The following STPG2 variants were observed in gnomAD, a reference collection of about 807,000 sequenced individuals.
The protein encoded by STPG2 is sperm tail PG-rich repeat containing 2.
A neutral mutation model predicts 54.2 loss-of-function variants in STPG2; 56 were observed. The observed-to-expected ratio is 1.03, with a 90% CI of 0.83 to 1.29. The LOEUF (loss-of-function observed/expected upper bound fraction) is 1.29, where lower values mean the gene tolerates loss of function less well. STPG2 is among the 50% of genes most tolerant of loss of function. STPG2 has a pLI of 0.00. For synonymous variants in STPG2, 200 were observed against 181.8 expected, an observed-to-expected ratio of 1.10 and a Z score of -0.81; for missense variants, 596 against 544.9, an observed-to-expected ratio of 1.09 and a Z score of -0.93.
intron 5 of STPG2, among the ~76,000 whole-genome samples, chr4:97,999,234 C>T (rs1735335905): frequency 6.6e-6 from 1 of 152,124 alleles, no homozygotes; most frequent in African/African-American, 2.4e-5. Context: ...AAAACTGTGC[C>T]ACAAAGAAAT....
chr4:97,974,086 T>A (rs1038721881), intron 6 of STPG2, among the ~76,000 whole-genome samples: 1 of 152,202 alleles, frequency 6.6e-6, no homozygotes, highest in Non-Finnish European at 1.5e-5. Flanking sequence ...GGGATGGAGA[T>A]GCCCAAGACT....
chr4:97,524,778 G>C (rs965701425), intron 4 of STPG2, among the ~76,000 whole-genome samples: 9 of 151,872 alleles, frequency 5.9e-5, no homozygotes, highest in African/African-American at 2.2e-4. Flanking sequence ...ACCAATAACT[G>C]GTCTTCTGAG....
chr4:97,636,958 T>C (rs930371381), intron 10 of STPG2, among the ~76,000 whole-genome samples: 69 of 152,096 alleles, frequency 4.5e-4, no homozygotes, highest in Middle Eastern at 3.4e-3. Flanking sequence ...TTCCAATCAA[T>C]AGAAAAAGAG....
At chr4:97,967,929 C>T (rs1734171883) in intron 7 of STPG2, among the ~76,000 whole-genome samples, 2 of 152,134 alleles carry the variant, frequency 1.3e-5, no homozygotes, top group Non-Finnish European at 1.5e-5. Context: ...AATCAACACC[C>T]TAACATCACA....
intron 8 of STPG2, among the ~76,000 whole-genome samples, chr4:97,847,020 T>A (rs1036509892): frequency 1.3e-5 from 2 of 152,206 alleles, no homozygotes; most frequent in Non-Finnish European, 2.9e-5. Flanking sequence ...CTTGTCATTA[T>A]CATTGAAGTG....
intron 4 of STPG2, among the ~76,000 whole-genome samples, chr4:97,487,991 C>T (rs1319956812): frequency 6.6e-6 from 1 of 151,422 alleles, no homozygotes; most frequent in African/African-American, 2.4e-5. Flanking sequence ...CCATAATTAT[C>T]AAAATTGCCA....
chr4:98,045,146 G>T (rs952679784), intron 5 of STPG2, among the ~76,000 whole-genome samples: 1 of 151,604 alleles, frequency 6.6e-6, no homozygotes, highest in Non-Finnish European at 1.5e-5. Flanking sequence ...AAGGAGTCTG[G>T]CATTCCTGAA....
intron 10 of STPG2, among the ~76,000 whole-genome samples, chr4:97,607,419 T>C (rs1270115105): frequency 6.6e-6 from 1 of 152,040 alleles, no homozygotes; most frequent in Non-Finnish European, 1.5e-5. Context: ...TCCATAACTC[T>C]TGGATTCACC....
At chr4:97,908,778 C>A (rs1731554231) in intron 8 of STPG2, among the ~76,000 whole-genome samples, 2 of 149,798 alleles carry the variant, frequency 1.3e-5, no homozygotes, top group South Asian at 2.1e-4. Context: ...AAAAACCAAA[C>A]ACCGCATATT....
chr4:97,815,734 A>G (rs1727887943), intron 9 of STPG2, among the ~76,000 whole-genome samples: 2 of 152,158 alleles, frequency 1.3e-5, no homozygotes, highest in Non-Finnish European at 2.9e-5. Flanking sequence ...GCACTATGTT[A>G]GGCAGAAGTA....
chr4:98,108,623 T>C (rs1739254705), intron 4 of STPG2, among the ~76,000 whole-genome samples: 1 of 152,128 alleles, frequency 6.6e-6, no homozygotes, highest in Non-Finnish European at 1.5e-5. Flanking sequence ...ATCTACTTTA[T>C]AATTAAGGAC....
chr4:98,122,837 G>A (rs959246663), intron 3 of STPG2, among the ~76,000 whole-genome samples: 4 of 151,524 alleles, frequency 2.6e-5, no homozygotes, highest in East Asian at 1.9e-4. Flanking sequence ...GGTAGGCCTC[G>A]ATTTCAGAAC....
chr4:97,756,068 CTCTCTCTT>C (rs1426258431), intron 9 of STPG2, among the ~76,000 whole-genome samples: 1 of 152,044 alleles, frequency 6.6e-6, no homozygotes, highest in Non-Finnish European at 1.5e-5. Context: ...CTTCTTCTCT[CTCTCTCTT>C]TCTCTCTCTC....
intron 5 of STPG2, among the ~76,000 whole-genome samples, chr4:98,099,739 A>T (rs1026829918): frequency 5.3e-5 from 8 of 152,104 alleles, no homozygotes; most frequent in East Asian, 3.8e-4. Flanking sequence ...ACCCCATAAA[A>T]ATATATATAC....
At chr4:97,742,543 G>GTATATA (rs1560510865) in intron 9 of STPG2, among the ~76,000 whole-genome samples, 6 of 142,334 alleles carry the variant, frequency 4.2e-5, no homozygotes, top group Admixed American at 2.2e-4. Context: ...GTGTGTGTGT[G>GTATATA]TGTGTGTGTG....
chr4:98,016,702 T>C (rs1735956875), intron 5 of STPG2, among the ~76,000 whole-genome samples: 1 of 152,224 alleles, frequency 6.6e-6, no homozygotes, highest in South Asian at 2.1e-4. Flanking sequence ...TGTTCTCTTG[T>C]AGCTCACTAA....
At chr4:97,549,493 A>G (rs763683922) in intron 4 of STPG2, among the ~76,000 whole-genome samples, 11 of 152,124 alleles carry the variant, frequency 7.2e-5, no homozygotes, top group Non-Finnish European at 1.2e-4. Flanking sequence ...GATGTCTCTA[A>G]TTAGTATATG....
At chr4:97,619,102 C>A (rs1336764614) in intron 10 of STPG2, among the ~76,000 whole-genome samples, 1 of 152,068 alleles carries the variant, frequency 6.6e-6, no homozygotes, top group Admixed American at 6.6e-5. Context: ...TACATATACC[C>A]CTTCTATTAA....
intron 9 of STPG2, among the ~76,000 whole-genome samples, chr4:97,785,411 C>A (rs970994730): frequency 1.3e-5 from 2 of 152,016 alleles, no homozygotes; most frequent in African/African-American, 4.8e-5. Context: ...ACTTTTACCA[C>A]CATTAAAAGA....
Sources: allele counts gnomAD v4.1 joint callset (sites outside exome capture counted in the v4.1 genomes callset), GRCh38; gene constraint gnomAD v4.1.1; transcripts MANE v1.5; gene names NCBI Gene and HGNC (gene_info 2026-07-23, HGNC 2026-07-21).